Variants in POLA1 observed in about 807,000 individuals in gnomAD.
POLA1 encodes DNA polymerase alpha 1, catalytic subunit, also known as DNA polymerase alpha catalytic subunit.
POLA1 carries 15 observed loss-of-function variants against 124.0 expected under a neutral mutation model. The ratio of observed to expected loss-of-function variants is 0.12; its 90% confidence interval spans 0.08 to 0.19. The LOEUF (loss-of-function observed/expected upper bound fraction) is 0.19. Ranked by LOEUF, POLA1 falls within the 10% of genes least tolerant of loss-of-function variation. POLA1 has a pLI of 1.00. For synonymous variants in POLA1, 408 were observed against 389.4 expected, an observed-to-expected ratio of 1.05 and a Z score of -0.56; for missense variants, 886 against 1,103.4, an observed-to-expected ratio of 0.80 and a Z score of 2.79.
Position 24,979,245 on chromosome X carries a change from C to T in POLA1, c.4262-16560C>T, listed in dbSNP as rs190917828. 8.0e-5 allele frequency among the ~76,000 whole-genome samples: 9 copies of T among 112,247 alleles called. No individual in the cohort carries two copies. In the East Asian group the frequency reaches 2.2e-3, roughly 28 times the overall value. On this transcript the variant is annotated intron_variant, in intron 36 of 36. Coordinates refer to ENST00000379068, the MANE Select transcript of POLA1 (RefSeq NM_001330360.2). ...ATTTTTACCACAGGTTAAAATTTGA[C>T]TGACCTATTCTGTTGCTGACTGAGT...
At chrX:24,721,806 C>T (rs774152185) in intron 10 of POLA1, among the ~76,000 whole-genome samples, 65 of 112,146 alleles carry the variant, frequency 5.8e-4, no homozygotes, top group Non-Finnish European at 1.1e-3. Context: ...ATTAGTTTGA[C>T]AGTAAAATGA....
chrX:24,812,956 A>G (rs935197505), intron 29 of POLA1, 93 bp downstream of exon 29: 5 of 445,083 alleles, frequency 1.1e-5, no homozygotes, highest in Non-Finnish European at 1.9e-5. Flanking sequence ...TGTCAAGCCC[A>G]AGAACACTTC....
intron 4 of POLA1, among the ~76,000 whole-genome samples, chrX:24,706,525 A>G (rs1241531597): frequency 8.9e-6 from 1 of 112,253 alleles, no homozygotes; most frequent in Non-Finnish European, 1.9e-5. Flanking sequence ...TCATGAGTTC[A>G]TACAGATATA....
At chrX:24,993,494 T>A (rs11573526) in intron 36 of POLA1, among the ~76,000 whole-genome samples, 4,557 of 112,661 alleles carry the variant, frequency 0.04, 228 homozygotes, top group African/African-American at 0.14. Flanking sequence ...AATCAGGGTT[T>A]TACTGGCCAC....
At chrX:24,880,633 G>A (rs1183931958) in intron 34 of POLA1, among the ~76,000 whole-genome samples, 1 of 111,725 alleles carries the variant, frequency 9.0e-6, no homozygotes, top group East Asian at 2.8e-4. Flanking sequence ...GGGTCAGAAA[G>A]CAATTTGTTT....
intron 35 of POLA1, among the ~76,000 whole-genome samples, chrX:24,892,371 T>C (rs962900744): frequency 9.0e-6 from 1 of 111,415 alleles, no homozygotes; most frequent in Non-Finnish European, 1.9e-5. Flanking sequence ...AATATACCCA[T>C]GTAACAAACA....
intron 34 of POLA1, among the ~76,000 whole-genome samples, chrX:24,873,888 T>C (rs920055146): frequency 1.8e-5 from 2 of 112,143 alleles, no homozygotes; most frequent in African/African-American, 6.5e-5. Flanking sequence ...TATTTTATAG[T>C]CTCCTTTTTT....
At chrX:24,899,895 T>C (rs2047254336) in intron 35 of POLA1, among the ~76,000 whole-genome samples, 1 of 111,901 alleles carries the variant, frequency 8.9e-6, no homozygotes, top group Non-Finnish European at 1.9e-5. Context: ...TCTTTTTTAC[T>C]TTATTTTCTT....
chrX:24,835,186 C>T (rs931574244), intron 32 of POLA1, among the ~76,000 whole-genome samples: 3 of 109,075 alleles, frequency 2.8e-5, no homozygotes, highest in East Asian at 2.9e-4. Flanking sequence ...TAGCTGGGAT[C>T]GCAGGCATGC....
chrX:24,864,055 C>T (rs999771755), intron 34 of POLA1, among the ~76,000 whole-genome samples: 1 of 109,893 alleles, frequency 9.1e-6, no homozygotes, highest in Admixed American at 9.8e-5. Flanking sequence ...AATCTCGGCT[C>T]ACTGCAACCT....
rs753726759 is a variant in POLA1 at position 24,978,677 on chromosome X, A to C, written c.4262-17128A>C. ...TCCGGAGAGGTTTAAAAGCCTGCTC[A>C]AGGTAACATAGCAAGTTAATGGCAG... On this transcript the variant is annotated intron_variant, in intron 36 of 36. Transcript: ENST00000379068. Among the ~76,000 whole-genome samples, 3 of 112,239 alleles carry C rather than the reference A, an allele frequency of 2.7e-5. No homozygotes were observed. In the East Asian group the frequency reaches 8.3e-4, roughly 31 times the overall value.
intron 26 of POLA1, among the ~76,000 whole-genome samples, chrX:24,784,516 T>C (rs1297926203): frequency 9.1e-6 from 1 of 109,897 alleles, no homozygotes; most frequent in Non-Finnish European, 1.9e-5. Flanking sequence ...AAACTTCGTC[T>C]CTACTAAAAT....
At chrX:24,995,415 C>T (rs1447635753) in intron 36 of POLA1, among the ~76,000 whole-genome samples, 1 of 112,182 alleles carries the variant, frequency 8.9e-6, no homozygotes, top group Non-Finnish European at 1.9e-5. Context: ...CCATAGCTCC[C>T]TTTGAGACTA....
intron 32 of POLA1, among the ~76,000 whole-genome samples, chrX:24,827,146 A>G (rs1236225313): frequency 8.9e-6 from 1 of 112,251 alleles, no homozygotes; most frequent in Non-Finnish European, 1.9e-5. Context: ...CTAAGTTATC[A>G]TCATCCGAGG....
chrX:24,943,956 A>G (rs1211027529), intron 36 of POLA1, among the ~76,000 whole-genome samples: 1 of 112,014 alleles, frequency 8.9e-6, no homozygotes, highest in Non-Finnish European at 1.9e-5. Context: ...GGGAATCTAA[A>G]GACAAGAGAC....
At chrX:24,763,160 T>C (rs1287988395) in intron 26 of POLA1, among the ~76,000 whole-genome samples, 2 of 111,777 alleles carry the variant, frequency 1.8e-5, no homozygotes, top group Non-Finnish European at 3.8e-5. Flanking sequence ...AGCAGGCTAT[T>C]ATTAGAATAG....
intron 34 of POLA1, among the ~76,000 whole-genome samples, chrX:24,846,284 G>A (rs1004239229): frequency 1.3e-4 from 14 of 111,362 alleles, no homozygotes; most frequent in African/African-American, 3.9e-4. Context: ...CTGAATTCTA[G>A]TTTCCTATAA....
At chrX:24,853,243 T>C (rs1368862655) in intron 34 of POLA1, among the ~76,000 whole-genome samples, 1 of 112,509 alleles carries the variant, frequency 8.9e-6, no homozygotes, top group East Asian at 2.8e-4. Context: ...GTGGGACCTC[T>C]GTATACTCTT....
chrX:24,811,305 G>A lies in POLA1; in HGVS notation c.3090+505G>A, dbSNP rs942414004. Among the ~76,000 whole-genome samples, 17 of 101,455 alleles carry A rather than the reference G, an allele frequency of 1.7e-4. No homozygotes were observed. The South Asian group carries it at 2.8e-3, about 17-fold the overall frequency. The allele number at this position is 101,455 out of a possible 115,157, so 88.1% of individuals were successfully genotyped here. A position where few individuals can be genotyped will look rare whatever the true frequency, so the allele number is the denominator to read the frequency against. ...TTTGTTTGTTTTGACACATAGTCTC[G>A]CTGTGTGGCCAGGCTGGAGTGCAGT... On this transcript the variant is annotated intron_variant, in intron 28 of 36. Coordinates refer to ENST00000379068, the MANE Select transcript of POLA1 (RefSeq NM_001330360.2).
Sources: allele counts gnomAD v4.1 joint callset (sites outside exome capture counted in the v4.1 genomes callset), GRCh38; gene constraint gnomAD v4.1.1; transcripts MANE v1.5; gene names NCBI Gene and HGNC (gene_info 2026-07-23, HGNC 2026-07-21).